PARP11: variants seen among roughly 807,000 people sequenced by gnomAD.
The protein encoded by PARP11 is poly(ADP-ribose) polymerase family member 11, also known as protein mono-ADP-ribosyltransferase PARP11.
Under a neutral mutation model 42.9 loss-of-function variants are expected in PARP11, and 31 were observed. The observed-to-expected ratio is 0.72, with a 90% CI of 0.54 to 0.98. The LOEUF is 0.98. Among genes scored for constraint, PARP11 ranks in the 50% least tolerant of loss-of-function variants. The pLI, the probability that PARP11 is intolerant of heterozygous loss-of-function variation, is 0.00. For synonymous variants in PARP11, 137 were observed against 127.3 expected, an observed-to-expected ratio of 1.08 and a Z score of -0.51; for missense variants, 365 against 413.1, an observed-to-expected ratio of 0.88 and a Z score of 1.01.
chr12:3,854,603 G>A lies in PARP11; in HGVS notation c.18+18609C>T, dbSNP rs151118768. 9.8e-3 allele frequency among the ~76,000 whole-genome samples: 1,490 copies of A among 152,216 alleles called. 8 individuals carry two copies. The highest frequency in any genetic ancestry group is 0.013 in the Admixed American group (198 of 15,290). ...TAAACCAGGAAGAGGTTGAATCCCT[G>A]AATAGACCAGTAACAGGATCTGAAA... On this transcript the variant is annotated intron_variant, in intron 1 of 7. Transcript: ENST00000228820.
intron 1 of PARP11, among the ~76,000 whole-genome samples, chr12:3,853,831 C>A (rs1470967543): frequency 1.3e-5 from 2 of 152,226 alleles, no homozygotes; most frequent in Non-Finnish European, 2.9e-5. Flanking sequence ...ACAGAATACA[C>A]ATTCTTCTCA....
At position 3,840,462 on chromosome 12, in the gene PARP11, A is replaced by G. The variant is rs1591781090; in HGVS notation, c.19-10444T>C. The G allele has an allele frequency of 6.2e-7, 1 of 1,613,196 alleles. No individual in the cohort carries two copies. Among genetic ancestry groups the G allele is most frequent in the African/African-American group, 1.3e-5 (1 of 75,036 alleles). ...GACTGCAGCATCCTTCAGGAGTAAG[A>G]CAACGTGAGTTCTCTAGTCATTCTT... On this transcript the variant is annotated intron_variant, in intron 1 of 7. Transcript: ENST00000228820. This position sits in a 1 kb window ranked among gnomAD's most constrained non-coding sequence, Gnocchi z 4.4.
Position 3,824,178 on chromosome 12 carries a change from T to C in PARP11, c.344+1980A>G, listed in dbSNP as rs144381061. ...AACTTTTGAATTTTAGTCAATCTGG[T>C]AGTAAAAATTAGTCTGGTATTAATT... On this transcript the variant is annotated intron_variant, in intron 4 of 7. Coordinates refer to ENST00000228820, the MANE Select transcript of PARP11 (RefSeq NM_020367.6). Among the ~76,000 whole-genome samples the C allele has an allele frequency of 5.9e-3, 892 of 152,338 alleles. 17 individuals carry two copies. Among genetic ancestry groups the C allele is most frequent in the African/African-American group, 0.02 (828 of 41,580 alleles).
chr12:3,838,927 C>T (rs1043117500), intron 1 of PARP11, among the ~76,000 whole-genome samples: 5 of 152,156 alleles, frequency 3.3e-5, no homozygotes, highest in Non-Finnish European at 5.9e-5. Flanking sequence ...TCGCTTCACA[C>T]CGGTACAGAC....
At chr12:3,863,409 T>A (rs1244110295) in intron 1 of PARP11, among the ~76,000 whole-genome samples, 4 of 152,208 alleles carry the variant, frequency 2.6e-5, no homozygotes, top group Admixed American at 2.6e-4. Context: ...AGAATGGACA[T>A]CATTGCCTTG....
rs1420246678 is a variant in PARP11, at chr12:3,857,019, AT to A, written c.18+16192del. Among the ~76,000 whole-genome samples, 3 of 151,998 alleles carry A rather than the reference AT, an allele frequency of 2.0e-5. No individual in the cohort carries two copies. In the East Asian group the frequency reaches 5.8e-4, roughly 30 times the overall value. On this transcript the variant is annotated intron_variant, in intron 1 of 7. Coordinates refer to ENST00000228820, the MANE Select transcript of PARP11 (RefSeq NM_020367.6). ...TGGAAACCATCATTCTGAGCAAACT[AT>A]TGCAAGGACAGAAAACCAAACACCG...
rs1326550966 is a variant in PARP11, at chr12:3,862,289, C to CA, written c.18+10922dup. ...GGAACATAGCAAAACCCCATCTCTA[C>CA]AAAAAATTTAAAAATTAGCTGGGCA... On this transcript the variant is annotated intron_variant, in intron 1 of 7. Transcript: ENST00000228820. Among the ~76,000 whole-genome samples, 6 of 151,932 alleles carry CA rather than the reference C, an allele frequency of 3.9e-5. No individual in the cohort carries two copies. The East Asian group carries it at 1.2e-3, about 29-fold the overall frequency.
chr12:3,850,539 C>T (rs1442250510), intron 1 of PARP11, among the ~76,000 whole-genome samples: 1 of 152,180 alleles, frequency 6.6e-6, no homozygotes, highest in East Asian at 1.9e-4. Flanking sequence ...CCCACGCAAG[C>T]ATGTCCACAA....
intron 1 of PARP11, among the ~76,000 whole-genome samples, chr12:3,848,069 T>C (rs1320428237): frequency 6.6e-6 from 1 of 151,882 alleles, no homozygotes; most frequent in Non-Finnish European, 1.5e-5. Flanking sequence ...TTACAATAGC[T>C]ACAAAGAATA....
intron 3 of PARP11, among the ~76,000 whole-genome samples, chr12:3,826,742 C>A (rs1947535279): frequency 6.6e-6 from 1 of 152,002 alleles, no homozygotes; most frequent in African/African-American, 2.4e-5. Flanking sequence ...ATAACTAAAC[C>A]TAAAAAATAG....
At chr12:3,830,276 G>A (rs117309640) in intron 1 of PARP11, among the ~76,000 whole-genome samples, 25 of 152,234 alleles carry the variant, frequency 1.6e-4, no homozygotes, top group Non-Finnish European at 3.4e-4. Flanking sequence ...ATTTAAGTAA[G>A]CTATATCAAC....
intron 1 of PARP11, among the ~76,000 whole-genome samples, chr12:3,862,291 A>G (rs1486958181): frequency 6.6e-6 from 1 of 151,906 alleles, no homozygotes; most frequent in African/African-American, 2.4e-5. Flanking sequence ...CATCTCTACA[A>G]AAAATTTAAA....
intron 1 of PARP11, among the ~76,000 whole-genome samples, chr12:3,864,243 G>A (rs543593143): frequency 7.4e-4 from 113 of 152,312 alleles, no homozygotes; most frequent in African/African-American, 2.3e-3. Flanking sequence ...TACATTGATG[G>A]CTGTTCAAAT....
Position 3,841,866 on chromosome 12 carries a change from T to C in PARP11, c.19-11848A>G, listed in dbSNP as rs1181989362. ...TGGATCTGTCTCTGGAAAATCTGGA[T>C]CTGTCTAAAGATTGTGGTTCAGTTT... On this transcript the variant is annotated intron_variant, in intron 1 of 7. Transcript: ENST00000228820. The C allele has an allele frequency of 1.9e-6, 3 of 1,608,636 alleles. No individual in the cohort carries two copies. The African/African-American group carries it at 4.0e-5, about 21-fold the overall frequency.
At chr12:3,845,323 GAGT>G (rs1225706865) in intron 1 of PARP11, among the ~76,000 whole-genome samples, 2 of 152,220 alleles carry the variant, frequency 1.3e-5, no homozygotes, top group African/African-American at 4.8e-5. Context: ...GTCCTGGCAA[GAGT>G]AGGTTTCCCA....
chr12:3,855,992 C>G (rs1012500829), intron 1 of PARP11, among the ~76,000 whole-genome samples: 4 of 152,088 alleles, frequency 2.6e-5, no homozygotes, highest in African/African-American at 9.7e-5. Context: ...TCTACAACCA[C>G]CTGATCTTTG....
At chr12:3,847,360 CAACA>C (rs763145389) in intron 1 of PARP11, among the ~76,000 whole-genome samples, 1 of 152,080 alleles carries the variant, frequency 6.6e-6, no homozygotes, top group Non-Finnish European at 1.5e-5. Context: ...AATAAGGACA[CAACA>C]AACAAAGAAA....
At chr12:3,827,162 G>C (rs576699394) in intron 3 of PARP11, among the ~76,000 whole-genome samples, 1 of 152,244 alleles carries the variant, frequency 6.6e-6, no homozygotes, top group Admixed American at 6.5e-5. Flanking sequence ...CATTTTTATA[G>C]AGAAAACCTG....
chr12:3,865,103 C>A (rs182563716), intron 1 of PARP11, among the ~76,000 whole-genome samples: 11 of 152,108 alleles, frequency 7.2e-5, no homozygotes, highest in African/African-American at 2.2e-4. Flanking sequence ...CTTTTCATTT[C>A]TTTAATCCAT....
Sources: gnomAD v4.1 joint callset for allele counts (sites outside exome capture counted in the v4.1 genomes callset) on GRCh38, gnomAD v4.1.1 for gene constraint, Gnocchi (gnomAD v3.1) non-coding constraint, MANE v1.5 for transcripts, NCBI Gene and HGNC (gene_info 2026-07-23, HGNC 2026-07-21) for gene names.